The following TMTC4 variants were observed in gnomAD, a reference collection of about 807,000 sequenced individuals.
The protein encoded by TMTC4 is protein O-mannosyl-transferase TMTC4.
Under a neutral mutation model 86.0 loss-of-function variants are expected in TMTC4, and 65 were observed. The observed-to-expected ratio is 0.76, with a 90% CI of 0.62 to 0.93. The LOEUF is 0.93. Among genes scored for constraint, TMTC4 ranks in the 40% least tolerant of loss-of-function variants. The pLI is 0.00. For synonymous variants in TMTC4, 379 were observed against 382.5 expected (o/e 0.99, Z 0.11); for missense variants, 866 against 948.1 (o/e 0.91, Z 1.14).
At chr13:100,618,778 A>C (rs1357896712) in intron 15 of TMTC4, among the ~76,000 whole-genome samples, 1 of 152,210 alleles carries the variant, frequency 6.6e-6, no homozygotes, top group African/African-American at 2.4e-5. Context: ...TGGACACAGC[A>C]CATGTTTCAG....
In TMTC4 at chr13:100,605,304, T is replaced by C. The variant is rs1355309289; in HGVS notation, c.2135-162A>G. 6.6e-6 allele frequency among the ~76,000 whole-genome samples: 1 copy of C among 152,232 alleles called. No homozygotes were observed. Among genetic ancestry groups the C allele is most frequent in the African/African-American group, 2.4e-5 (1 of 41,466 alleles). On this transcript the variant is annotated intron_variant, in intron 18 of 18. Coordinates refer to ENST00000342624, the MANE Select transcript of TMTC4 (RefSeq NM_032813.5). The surrounding 1 kb of genome is among the most constrained non-coding windows in gnomAD (Gnocchi z 4.3). ...GTACTGAAAACTCTATTTATTGTAA[T>C]CACACTCCCTGATGATTATCCATTT...
intron 7 of TMTC4, chr13:100,638,332 AC>A (rs1463138818): frequency 4.1e-6 from 1 of 244,746 alleles, no homozygotes; most frequent in East Asian, 8.9e-5. Context: ...CTCGAGAGAT[AC>A]CCCCTCCCCA....
At chr13:100,668,557 A>T in intron 3 of TMTC4, 22 bp downstream of exon 3, 1 of 1,609,516 alleles carries the variant, frequency 6.2e-7, no homozygotes, top group Non-Finnish European at 8.5e-7. Context: ...TAAGTTTACC[A>T]GAAAAGAGTT....
intron 3 of TMTC4, among the ~76,000 whole-genome samples, chr13:100,665,760 T>C (rs1473132776): frequency 1.3e-5 from 2 of 152,248 alleles, no homozygotes; most frequent in African/African-American, 2.4e-5. Context: ...AAGTGCTTGC[T>C]GACTCAAAGG....
chr13:100,612,296 G>A (rs906481515), intron 17 of TMTC4, 102 bp downstream of exon 17: 2 of 925,668 alleles, frequency 2.2e-6, no homozygotes, highest in African/African-American at 3.3e-5. Flanking sequence ...CACTGCCACT[G>A]TTTTGGCCTG....
rs1394899371 is a variant in TMTC4, at chr13:100,634,876, G to A, written c.1435C>T (p.Arg479Cys). 3.7e-6 allele frequency: 6 copies of A among 1,614,164 alleles called. No homozygotes were observed. Among genetic ancestry groups the A allele is most frequent in the East Asian group, 2.2e-5 (1 of 44,880 alleles). Reference protein sequence around the residue: ...LFINTLRCVLRSGEWRSEEQL... With the variant: ...LFINTLRCVLCSGEWRSEEQL... ...TCCTCACTCCGCCACTCGCCGCTGC[G>A]CAGCACACATCTCAGCGTGTTGATG... The change falls in exon 12 of 19, where the codon CGC becomes TGC. Residue 479 changes from arginine (R) to cysteine (C), a missense_variant. By Grantham distance (180) the Arg-to-Cys change is radical. Transcript: ENST00000342624.
At chr13:100,611,463 T>C (rs549377070) in intron 17 of TMTC4, among the ~76,000 whole-genome samples, 67 of 152,220 alleles carry the variant, frequency 4.4e-4, no homozygotes, top group African/African-American at 1.5e-3. Flanking sequence ...CGGGCGCCTA[T>C]AGTCCCAGCC....
intron 1 of TMTC4, chr13:100,674,448 C>A: frequency 1.1e-6 from 1 of 896,562 alleles, no homozygotes. Flanking sequence ...CTGGGGGCGG[C>A]GACCTCTGCC....
intron 12 of TMTC4, among the ~76,000 whole-genome samples, chr13:100,631,156 T>A (rs1221325054): frequency 1.3e-5 from 2 of 152,232 alleles, no homozygotes; most frequent in Non-Finnish European, 2.9e-5. Context: ...GTGATGCACA[T>A]GCTGAGGCAA....
chr13:100,622,710 A>G (rs746431864), intron 15 of TMTC4, among the ~76,000 whole-genome samples: 14 of 152,196 alleles, frequency 9.2e-5, no homozygotes, highest in Non-Finnish European at 1.6e-4. Flanking sequence ...TGTCAGGTAT[A>G]TCTTTATCAG....
chr13:100,675,056 G>A (rs1887697058), upstream of TMTC4: 1 of 985,726 alleles, frequency 1.0e-6, no homozygotes, highest in Non-Finnish European at 1.2e-6. Flanking sequence ...GGAGGCGCAG[G>A]GACAGACGGA....
Position 100,634,932 on chromosome 13 carries a change from A to G in TMTC4, c.1379T>C (p.Leu460Pro), listed in dbSNP as rs779577700. ...GATTCCCAGCACGACAGCGGCAATG[A>G]GTTTCTTAAGAACAGAAAGACATGG... is the stretch of plus-strand genomic sequence containing the variant. ...ALSKHTKKKK[L>P]IAAVVLGILF... is the part of the protein sequence containing the mutation. The change falls in exon 12 of 19, where the codon CTC (leucine) becomes CCC (proline). Residue 460 changes from leucine to proline, a missense_variant. Physicochemically the swap from Leu to Pro is moderately conservative, Grantham distance 98. Transcript: ENST00000342624. The G allele has an allele frequency of 6.2e-7, 1 of 1,613,882 alleles. No homozygotes were observed. Among genetic ancestry groups the G allele is most frequent in the Admixed American group, 1.7e-5 (1 of 59,954 alleles).
chr13:100,632,053 A>ACACACACACACACTCTCTCTCTCT (rs1296569630), intron 12 of TMTC4, among the ~76,000 whole-genome samples: 2 of 43,110 alleles, frequency 4.6e-5, no homozygotes, highest in Non-Finnish European at 9.5e-5. Context: ...ACACACACAC[A>ACACACACACACACTCTCTCTCTCT]CTCTCTCTCT....
At chr13:100,666,250 T>C (rs954679186) in intron 3 of TMTC4, 1 of 333,096 alleles carries the variant, frequency 3.0e-6, no homozygotes, top group Admixed American at 4.0e-5. Context: ...CAAGGAAGCA[T>C]CTGGAAAACA....
At chr13:100,640,770 G>A (rs1382225810) in intron 7 of TMTC4, among the ~76,000 whole-genome samples, 1 of 148,932 alleles carries the variant, frequency 6.7e-6, no homozygotes, top group Non-Finnish European at 1.5e-5. Flanking sequence ...TCACGCCACT[G>A]CCCTCCCTCC....
intron 5 of TMTC4, among the ~76,000 whole-genome samples, chr13:100,662,745 C>T (rs529281202): frequency 2.0e-5 from 3 of 151,950 alleles, no homozygotes; most frequent in African/African-American, 7.3e-5. Flanking sequence ...TTTTTTTTCA[C>T]AAGAGATGTC....
intron 6 of TMTC4, among the ~76,000 whole-genome samples, chr13:100,643,595 G>A (rs1883321492): frequency 6.6e-6 from 1 of 152,304 alleles, no homozygotes; most frequent in African/African-American, 2.4e-5. Context: ...ATGAAGAATT[G>A]GGGTAGAGGA....
chr13:100,668,632 T>C lies in TMTC4; in HGVS notation c.166A>G (p.Ser56Gly). ...TCAAAGACAAAGTCTCCATCATAGCTGCGTGCAAAACACACAATGGCAACC... is the reference window on the plus strand; with the variant it reads ...TCAAAGACAAAGTCTCCATCATAGCCGCGTGCAAAACACACAATGGCAACC... ...GSVAIVCFAR[S>G]YDGDFVFDDS... The change falls in exon 3 of 19, where the codon AGC (serine) becomes GGC (glycine). Residue 56 changes from serine to glycine, a missense_variant. By Grantham distance (56) the Ser-to-Gly change is moderately conservative (BLOSUM62 0). Transcript: ENST00000342624. The C allele has an allele frequency of 6.2e-7, 1 of 1,614,238 alleles. No individual in the cohort carries two copies. Among genetic ancestry groups the C allele is most frequent in the Non-Finnish European group, 8.5e-7 (1 of 1,180,046 alleles).
intron 15 of TMTC4, among the ~76,000 whole-genome samples, chr13:100,615,187 G>T (rs1253915900): frequency 6.6e-6 from 1 of 151,962 alleles, no homozygotes; most frequent in African/African-American, 2.4e-5. Context: ...GCCCGGGCTG[G>T]AGTGCAATGG....
Sources: allele counts gnomAD v4.1 joint callset (sites outside exome capture counted in the v4.1 genomes callset), GRCh38; gene constraint gnomAD v4.1.1; non-coding constraint Gnocchi (gnomAD v3.1); transcripts MANE v1.5; gene names NCBI Gene and HGNC (gene_info 2026-07-23, HGNC 2026-07-21).